ARMH3: variants seen among roughly 807,000 people sequenced by gnomAD.
ARMH3 encodes armadillo like helical domain containing 3, also known as armadillo-like helical domain-containing protein 3.
ARMH3 carries 60 observed loss-of-function variants against 99.1 expected under a neutral mutation model. That is an observed-to-expected ratio of 0.61 (90% confidence interval 0.49 to 0.75). The LOEUF (loss-of-function observed/expected upper bound fraction) is 0.75, where lower values mean the gene tolerates loss of function less well. Among genes scored for constraint, ARMH3 ranks in the 30% least tolerant of loss-of-function variants. The pLI is 0.00. For synonymous variants in ARMH3, 285 were observed against 292.8 expected, an observed-to-expected ratio of 0.97 and a Z score of 0.27; for missense variants, 679 against 843.1, an observed-to-expected ratio of 0.81 and a Z score of 2.41.
intron 23 of ARMH3, among the ~76,000 whole-genome samples, chr10:101,916,702 G>C (rs1307186531): frequency 6.6e-6 from 1 of 152,062 alleles, no homozygotes; most frequent in Non-Finnish European, 1.5e-5. Context: ...TGTTGACAGG[G>C]GTATTTCCAG....
Position 101,957,731 on chromosome 10 carries a change from G to T in ARMH3, c.1497C>A (p.Ala499=). 3 of 1,431,844 alleles carry T rather than the reference G, an allele frequency of 2.1e-6. No homozygotes were observed. 88.7% of individuals were successfully genotyped at this position (1,431,844 alleles called of 1,614,324 possible). A position where few individuals can be genotyped will look rare whatever the true frequency, so the allele number is the denominator to read the frequency against. ...LHYTWRELWS[A]LINLLKFLMS... ...TAAGGAACTTCAGCAAATTTATCAA[G>T]GCTTTAAAAAAAAAAAAAAAGACAT... Residue 499 remains alanine, a splice_region_variant and synonymous_variant, in exon 21 of 26, where the codon GCC becomes GCA. Coordinates refer to ENST00000370033, the MANE Select transcript of ARMH3 (RefSeq NM_024541.3).
chr10:101,895,218 A>T (rs1353959806), intron 23 of ARMH3, among the ~76,000 whole-genome samples: 1 of 151,944 alleles, frequency 6.6e-6, no homozygotes, highest in Non-Finnish European at 1.5e-5. Flanking sequence ...CTTATACCAC[A>T]CATAAAACAA....
At chr10:101,975,813 T>C (rs181683218) in intron 19 of ARMH3, among the ~76,000 whole-genome samples, 9 of 147,600 alleles carry the variant, frequency 6.1e-5, no homozygotes, top group Non-Finnish European at 1.0e-4. Flanking sequence ...TGAGTCGAGA[T>C]CGTGCCACTG....
At chr10:102,050,200 T>C (rs1198206770) in intron 1 of ARMH3, among the ~76,000 whole-genome samples, 1 of 151,160 alleles carries the variant, frequency 6.6e-6, no homozygotes, top group Non-Finnish European at 1.5e-5. Flanking sequence ...CCCAACACTT[T>C]GGGAGGCCGA....
intron 19 of ARMH3, among the ~76,000 whole-genome samples, chr10:101,983,192 C>CT (rs1846308466): frequency 6.6e-6 from 1 of 152,222 alleles, no homozygotes; most frequent in Non-Finnish European, 1.5e-5. Flanking sequence ...GCATGATTAG[C>CT]GAGCTGGGCT....
chr10:101,928,769 T>C (rs1160793381), intron 23 of ARMH3, among the ~76,000 whole-genome samples: 1 of 152,212 alleles, frequency 6.6e-6, no homozygotes, highest in African/African-American at 2.4e-5. Flanking sequence ...TCGCTCTTGT[T>C]GTCCAGGCTG....
At chr10:101,929,062 C>A (rs1185714728) in intron 23 of ARMH3, among the ~76,000 whole-genome samples, 1 of 152,134 alleles carries the variant, frequency 6.6e-6, no homozygotes, top group African/African-American at 2.4e-5. Context: ...GAGCACAGTA[C>A]AAGAATGTCT....
At chr10:101,913,328 A>G (rs955575566) in intron 23 of ARMH3, 1 of 149,118 alleles carries the variant, frequency 6.7e-6, no homozygotes, top group African/African-American at 2.5e-5. Context: ...GGACAGACAG[A>G]AGGAAGTACA....
chr10:101,850,555 G>T (rs192981650), intron 24 of ARMH3, among the ~76,000 whole-genome samples: 224 of 151,932 alleles, frequency 1.5e-3, no homozygotes, highest in African/African-American at 4.9e-3. Flanking sequence ...CTCCTGAGTA[G>T]CTGGGATTAC....
chr10:101,990,547 T>G lies in ARMH3; in HGVS notation c.1406+4A>C. On this transcript the variant is annotated splice_donor_region_variant and intron_variant, in intron 19 of 25. Transcript: ENST00000370033. ...ACATTAAATGTGTACATATTTGTACTTACATATAGAGATCCATAGGAAACT... is the reference window on the plus strand; with the variant it reads ...ACATTAAATGTGTACATATTTGTACGTACATATAGAGATCCATAGGAAACT... The G allele has an allele frequency of 6.4e-7, 1 of 1,555,990 alleles. No individual in the cohort carries two copies. The highest frequency in any genetic ancestry group is 8.9e-7 in the Non-Finnish European group (1 of 1,128,592).
At chr10:101,981,059 G>C (rs1056996696) in intron 19 of ARMH3, among the ~76,000 whole-genome samples, 3 of 151,964 alleles carry the variant, frequency 2.0e-5, no homozygotes, top group Admixed American at 1.3e-4. Context: ...GGGCCTGTTG[G>C]GGGGTTGGGG....
rs139075432 is a variant in ARMH3, at chr10:101,929,195, C to G, written c.1781+10668G>C. Among the ~76,000 whole-genome samples, 683 of 152,272 alleles carry G rather than the reference C, an allele frequency of 4.5e-3. 22 individuals carry two copies. The East Asian group carries it at 0.081, about 18-fold the overall frequency. ...TGTGTCCTTTCAAAATTATATTATT[C>G]CTGTTACTTTTGTACTTGTACTTTG... On this transcript the variant is annotated intron_variant, in intron 23 of 25. Transcript: ENST00000370033.
intron 8 of ARMH3, among the ~76,000 whole-genome samples, chr10:102,021,511 T>C (rs888202056): frequency 4.6e-5 from 7 of 151,922 alleles, no homozygotes; most frequent in African/African-American, 1.5e-4. Flanking sequence ...GCCTCTCAAG[T>C]AGCTGAGACT....
intron 24 of ARMH3, among the ~76,000 whole-genome samples, chr10:101,856,721 T>A (rs937429494): frequency 1.3e-5 from 2 of 152,216 alleles, no homozygotes; most frequent in African/African-American, 4.8e-5. Flanking sequence ...TTTAGCTGTT[T>A]ACTCACTAGA....
intron 19 of ARMH3, among the ~76,000 whole-genome samples, chr10:101,986,937 G>T (rs1449516971): frequency 6.6e-6 from 1 of 152,142 alleles, no homozygotes; most frequent in African/African-American, 2.4e-5. Flanking sequence ...AGTAAATTAA[G>T]GAGCAGGTGG....
chr10:101,912,089 G>A (rs778454953), intron 23 of ARMH3, among the ~76,000 whole-genome samples: 1 of 151,144 alleles, frequency 6.6e-6, no homozygotes, highest in Non-Finnish European at 1.5e-5. Context: ...ACCCATGAAT[G>A]TCCAAAGAAA....
At chr10:101,864,073 AAAAAAACAC>A (rs1243622004) in intron 24 of ARMH3, among the ~76,000 whole-genome samples, 18 of 131,598 alleles carry the variant, frequency 1.4e-4, no homozygotes, top group Non-Finnish European at 3.0e-4. Flanking sequence ...AAAAAAAAAA[AAAAAAACAC>A]ACACACACAC....
At chr10:101,930,073 T>A (rs1320966589) in intron 23 of ARMH3, among the ~76,000 whole-genome samples, 1 of 152,130 alleles carries the variant, frequency 6.6e-6, no homozygotes, top group Non-Finnish European at 1.5e-5. Context: ...GAGATGCTCA[T>A]CCTGTACTAG....
chr10:101,961,337 A>G (rs1324661083), intron 20 of ARMH3, among the ~76,000 whole-genome samples: 7 of 151,496 alleles, frequency 4.6e-5, no homozygotes, highest in Non-Finnish European at 8.8e-5. Context: ...CATAACTATC[A>G]ACTAAAACTG....
Sources: gnomAD v4.1 joint callset for allele counts (sites outside exome capture counted in the v4.1 genomes callset) on GRCh38, gnomAD v4.1.1 for gene constraint, MANE v1.5 for transcripts, NCBI Gene and HGNC (gene_info 2026-07-23, HGNC 2026-07-21) for gene names.